The following COL28A1 variants were observed in gnomAD, a reference collection of about 807,000 sequenced individuals.
COL28A1 encodes collagen type XXVIII alpha 1 chain.
Under a neutral mutation model 150.2 loss-of-function variants are expected in COL28A1, and 161 were observed. The observed-to-expected ratio is 1.07, with a 90% CI of 0.94 to 1.22. The LOEUF is 1.22. Among genes scored for constraint, COL28A1 ranks in the 50% most tolerant of loss-of-function variants. The probability of loss-of-function intolerance (pLI) is 0.00; values close to 1 mark genes in which losing one functional copy is unlikely to be tolerated. For missense variants in COL28A1, 1,617 were observed against 1,388.3 expected (o/e 1.16, Z -2.62); for synonymous variants, 552 against 469.7 (o/e 1.18, Z -2.26).
Position 7,360,468 on chromosome 7 carries a change from C to A in COL28A1, c.3127G>T (p.Asp1043Tyr). The A allele has an allele frequency of 6.2e-7, 1 of 1,609,792 alleles. No individual in the cohort carries two copies. Among genetic ancestry groups the A allele is most frequent in the Non-Finnish European group, 8.5e-7 (1 of 1,178,668 alleles). ...TCAGATGAGGTAGTGGCAGGCAGAT[C>A]ATCAGCCCACGTTGGCTCTGGAGCC... is the stretch of plus-strand genomic sequence containing the variant. ...DKAPEPTWAD[D>Y]LPATTSSEAT... Residue 1043 changes from aspartate to tyrosine, a missense_variant, in exon 34 of 35, where the codon GAT becomes TAT. Coordinates refer to ENST00000399429, the MANE Select transcript of COL28A1 (RefSeq NM_001037763.3).
rs557866026 is a variant in COL28A1, at chr7:7,432,227, T to C, written c.1998+246A>G. On this transcript the variant is annotated intron_variant, in intron 25 of 34. Transcript: ENST00000399429. Reference sequence around the variant, plus strand: ...AGATCTCCGACTTGTACCCTGATCTTGGTATAAGAAGAGGAAGCAGCAAAG... The same window carrying C: ...AGATCTCCGACTTGTACCCTGATCTCGGTATAAGAAGAGGAAGCAGCAAAG... Among the ~76,000 whole-genome samples the C allele has an allele frequency of 2.3e-3, 343 of 151,982 alleles. 3 individuals are homozygous for C. The highest frequency in any genetic ancestry group is 3.5e-3 in the Non-Finnish European group (237 of 67,914).
At chr7:7,393,655 G>A (rs1265746731) in intron 27 of COL28A1, among the ~76,000 whole-genome samples, 2 of 152,214 alleles carry the variant, frequency 1.3e-5, no homozygotes, top group African/African-American at 2.4e-5. Context: ...CCTGACCAGA[G>A]AGGACGAATC....
At chr7:7,410,277 G>A (rs1783707959) in intron 27 of COL28A1, among the ~76,000 whole-genome samples, 1 of 152,126 alleles carries the variant, frequency 6.6e-6, no homozygotes, top group Non-Finnish European at 1.5e-5. Context: ...AAGGTATAGA[G>A]ACGCTTTCAA....
At chr7:7,415,119 C>T (rs1176441524) in intron 27 of COL28A1, among the ~76,000 whole-genome samples, 4 of 152,206 alleles carry the variant, frequency 2.6e-5, no homozygotes, top group African/African-American at 7.2e-5. Context: ...ATTGCAGCTA[C>T]AACCCTTATT....
At chr7:7,364,703 C>T (rs1311306482) in intron 33 of COL28A1, among the ~76,000 whole-genome samples, 1 of 152,052 alleles carries the variant, frequency 6.6e-6, no homozygotes, top group African/African-American at 2.4e-5. Context: ...AGCTAATAAC[C>T]CTAAGATGGG....
At chr7:7,379,514 A>C (rs971233339) in intron 30 of COL28A1, among the ~76,000 whole-genome samples, 2 of 151,906 alleles carry the variant, frequency 1.3e-5, no homozygotes, top group African/African-American at 4.8e-5. Flanking sequence ...GTAGGTGAAC[A>C]TCTTTGTTGT....
At chr7:7,449,354 T>G (rs116384363) in intron 18 of COL28A1, among the ~76,000 whole-genome samples, 5 of 152,004 alleles carry the variant, frequency 3.3e-5, no homozygotes, top group Non-Finnish European at 7.4e-5. Flanking sequence ...CCAGTAATCA[T>G]TTATATTTAA....
intron 27 of COL28A1, among the ~76,000 whole-genome samples, chr7:7,385,025 G>C (rs1362464087): frequency 6.6e-6 from 1 of 152,192 alleles, no homozygotes; most frequent in Admixed American, 6.5e-5. Flanking sequence ...AGTGGGGTCT[G>C]CCTACATACA....
At position 7,515,841 on chromosome 7, in the gene COL28A1, C is replaced by T. The variant is rs1426896423; in HGVS notation, c.856-1G>A. On this transcript the variant is annotated splice_acceptor_variant, in intron 7 of 34. Transcript: ENST00000399429. LOFTEE classifies it high-confidence loss of function. ...TGTCACCCTTGTACCCAGGAATTCC[C>T]TAATTTAAAAAGAAAATAAAAAGTA... 3.9e-6 allele frequency: 4 copies of T among 1,013,598 alleles called. No individual in the cohort carries two copies. The highest frequency in any genetic ancestry group is 3.9e-5 in the South Asian group (3 of 77,082). 62.8% of individuals were successfully genotyped at this position (1,013,598 alleles called of 1,614,324 possible). A position where few individuals can be genotyped will look rare whatever the true frequency, so the allele number is the denominator to read the frequency against.
chr7:7,389,113 G>T (rs1439822076), intron 27 of COL28A1, among the ~76,000 whole-genome samples: 2 of 151,016 alleles, frequency 1.3e-5, no homozygotes, highest in African/African-American at 4.9e-5. Flanking sequence ...TTCTTCTAGG[G>T]TTTTTTTTTA....
chr7:7,412,037 CTT>C (rs1783818721), intron 27 of COL28A1, among the ~76,000 whole-genome samples: 1 of 152,134 alleles, frequency 6.6e-6, no homozygotes, highest in Admixed American at 6.5e-5. Flanking sequence ...ATTGTTGACT[CTT>C]CACCAAACCT....
At position 7,373,126 on chromosome 7, in the gene COL28A1, A is replaced by G; in HGVS notation, c.2780T>C (p.Val927Ala). Residue 927 changes from valine (V) to alanine (A), a missense_variant, in exon 32 of 35, where the codon GTG becomes GCG. Transcript: ENST00000399429. The surrounding 1 kb of genome is among the most constrained non-coding windows in gnomAD (Gnocchi z 4.1). The part of the protein sequence containing the change: ...EVVKNASDTN[V>A]EIFVIGVVKK... ...CACCACCCCTATCACAAATATCTCC[A>G]CATTGGTGTCACTGGCATTCTTCAC... 1 of 1,614,162 alleles carries G rather than the reference A, an allele frequency of 6.2e-7. No homozygotes were observed. Among genetic ancestry groups the G allele is most frequent in the East Asian group, 2.2e-5 (1 of 44,888 alleles).
At chr7:7,420,379 G>C (rs1266091625) in intron 25 of COL28A1, 1 of 152,704 alleles carries the variant, frequency 6.5e-6, no homozygotes, top group African/African-American at 2.4e-5. Flanking sequence ...GGAACTGCAG[G>C]GTAAACTCTA....
intron 27 of COL28A1, among the ~76,000 whole-genome samples, chr7:7,385,575 A>G (rs148506217): frequency 1.0e-3 from 152 of 151,234 alleles, no homozygotes; most frequent in African/African-American, 3.6e-3. Flanking sequence ...GAAGATGTCC[A>G]ATACATGTTC....
intron 10 of COL28A1, 24 bp downstream of exon 10, chr7:7,507,093 T>C (rs752060866): frequency 5.8e-6 from 6 of 1,026,482 alleles, no homozygotes; most frequent in Non-Finnish European, 9.3e-6. Context: ...AATTCAAACT[T>C]AGATTTGGTT....
At position 7,507,101 on chromosome 7, in the gene COL28A1, G is replaced by C. The variant is rs2115123005; in HGVS notation, c.972+16C>G. Reference sequence around the variant, plus strand: ...TGATTCTAATTCAAACTTAGATTTGGTTTTAACCCCCTTACCTGAATTCCT... The same window carrying C: ...TGATTCTAATTCAAACTTAGATTTGCTTTTAACCCCCTTACCTGAATTCCT... On this transcript the variant is annotated intron_variant, in intron 10 of 34. Transcript: ENST00000399429. 1 of 1,105,572 alleles carries C rather than the reference G, an allele frequency of 9.0e-7. No homozygotes were observed. The highest frequency in any genetic ancestry group is 2.4e-5 in the East Asian group (1 of 42,300). The allele number at this position is 1,105,572 out of a possible 1,614,324, so 68.5% of individuals were successfully genotyped here.
chr7:7,525,364 C>T (rs1232578968), intron 3 of COL28A1, among the ~76,000 whole-genome samples: 3 of 152,174 alleles, frequency 2.0e-5, no homozygotes, highest in Non-Finnish European at 4.4e-5. Context: ...GCCTCACTAC[C>T]ATACTTGAAT....
At chr7:7,436,101 T>C (rs896953807) in intron 23 of COL28A1, among the ~76,000 whole-genome samples, 2 of 152,230 alleles carry the variant, frequency 1.3e-5, no homozygotes, top group Non-Finnish European at 2.9e-5. Flanking sequence ...CACTAATATG[T>C]AAATGAAGAG....
rs141222030 is a variant in COL28A1, at chr7:7,434,397, T to C, written c.1861-1697A>G. ...GGATGAAGCTCTAAACATCTGCATA[T>C]GAAACTTGTCCCAAAATAAGTTTTC... On this transcript the variant is annotated intron_variant, in intron 23 of 34. Coordinates refer to ENST00000399429, the MANE Select transcript of COL28A1 (RefSeq NM_001037763.3). 2.5e-3 allele frequency among the ~76,000 whole-genome samples: 388 copies of C among 152,294 alleles called. 2 individuals are homozygous for C. Among genetic ancestry groups the C allele is most frequent in the Non-Finnish European group, 3.7e-3 (251 of 68,018 alleles).
Sources: allele counts gnomAD v4.1 joint callset (sites outside exome capture counted in the v4.1 genomes callset), GRCh38; gene constraint gnomAD v4.1.1; non-coding constraint Gnocchi (gnomAD v3.1); transcripts MANE v1.5; gene names NCBI Gene and HGNC (gene_info 2026-07-23, HGNC 2026-07-21).